The following ANKRD31 variants were observed in gnomAD, a reference collection of about 807,000 sequenced individuals.
ANKRD31 encodes ankyrin repeat domain-containing protein 31.
In ANKRD31, 147 loss-of-function variants were observed where a neutral mutation model predicts 186.0. That is an observed-to-expected ratio of 0.79 (90% confidence interval 0.69 to 0.91). The LOEUF is 0.91. Ranked by LOEUF, ANKRD31 falls within the 40% of genes least tolerant of loss-of-function variation. The pLI is 0.00. For missense variants in ANKRD31, 1,986 were observed against 2,148.8 expected, an observed-to-expected ratio of 0.92 and a Z score of 1.50; for synonymous variants, 673 against 736.4, an observed-to-expected ratio of 0.91 and a Z score of 1.39.
At chr5:75,120,760 C>A (rs771532360) in intron 17 of ANKRD31, among the ~76,000 whole-genome samples, 5 of 152,064 alleles carry the variant, frequency 3.3e-5, no homozygotes, top group Non-Finnish European at 4.4e-5. Context: ...GAAAACCTCA[C>A]GTATCAATAT....
rs958326414 is a variant in ANKRD31 at position 75,236,660 on chromosome 5, G to A, written c.27C>T (p.Asp9=). Reference sequence around the variant, plus strand: ...CTATCACAGTTTCATCACTGTCCCAGTCTGGGGCCTGGACGCCTTCCTCCA... The same window carrying A: ...CTATCACAGTTTCATCACTGTCCCAATCTGGGGCCTGGACGCCTTCCTCCA... MEEGVQAP[D]WDSDETVIEG... The change falls in exon 1 of 26, where the codon GAC becomes GAT. Residue 9 remains aspartate, a synonymous_variant. Coordinates refer to ENST00000506364, the MANE Select transcript of ANKRD31 (RefSeq NM_001372053.1). 19 of 1,536,480 alleles carry A rather than the reference G, an allele frequency of 1.2e-5. No individual in the cohort carries two copies. In the African/African-American group the frequency reaches 1.9e-4, roughly 16 times the overall value.
chr5:75,188,607 G>T lies in ANKRD31; in HGVS notation c.1450C>A (p.Arg484=). Residue 484 remains arginine, a synonymous_variant, in exon 10 of 26, where the codon CGG becomes AGG. Transcript: ENST00000506364. ...VNKISLHSIN[R]RNIFGENLVY... is the part of the protein sequence containing the mutation. ...AAGTTCTCTCCAAAAATGTTTCTCC[G>T]GTTAATGCTATGAAGAGATATTTTG... 1 of 1,535,202 alleles carries T rather than the reference G, an allele frequency of 6.5e-7. No individual in the cohort carries two copies. The highest frequency in any genetic ancestry group is 8.7e-7 in the Non-Finnish European group (1 of 1,145,910).
chr5:75,180,182 T>G (rs868114664), intron 10 of ANKRD31, among the ~76,000 whole-genome samples: 2 of 152,152 alleles, frequency 1.3e-5, no homozygotes, highest in East Asian at 1.9e-4. Flanking sequence ...ACAAGGGATG[T>G]GAAGGACCTC....
At chr5:75,126,137 A>G (rs4360021) in intron 17 of ANKRD31, among the ~76,000 whole-genome samples, 76,899 of 152,058 alleles carry the variant, frequency 0.51, 22,419 homozygotes, top group African/African-American at 0.82. Context: ...TGATGATTTT[A>G]AGATTCACCC....
At chr5:75,170,950 A>G (rs1348977104) in intron 10 of ANKRD31, among the ~76,000 whole-genome samples, 1 of 152,086 alleles carries the variant, frequency 6.6e-6, no homozygotes, top group Non-Finnish European at 1.5e-5. Context: ...AACGTTATGT[A>G]TCTAATAACA....
intron 1 of ANKRD31, among the ~76,000 whole-genome samples, chr5:75,231,074 CTTTA>C (rs566026337): frequency 2.0e-5 from 3 of 151,616 alleles, no homozygotes; most frequent in Admixed American, 6.6e-5. Context: ...GACAGAATTC[CTTTA>C]TTTATTTATT....
At chr5:75,212,391 T>C (rs944988018) in intron 3 of ANKRD31, among the ~76,000 whole-genome samples, 2 of 152,080 alleles carry the variant, frequency 1.3e-5, no homozygotes, top group African/African-American at 4.8e-5. Flanking sequence ...CATAGGCAGA[T>C]AGCTTGAGCC....
intron 20 of ANKRD31, among the ~76,000 whole-genome samples, chr5:75,108,579 G>T (rs1483669546): frequency 6.6e-6 from 1 of 151,806 alleles, no homozygotes; most frequent in Non-Finnish European, 1.5e-5. Context: ...CATTTTTCTG[G>T]TTAAAGTAAC....
In ANKRD31 at chr5:75,231,383, C is replaced by T. The variant is rs181349210; in HGVS notation, c.105-748G>A. On this transcript the variant is annotated intron_variant, in intron 1 of 25. Coordinates refer to ENST00000506364, the MANE Select transcript of ANKRD31 (RefSeq NM_001372053.1). ...GAGCCACCACACCTGGCCCAGAATTCCTTTAATTTTTGGATTTACTTCTTA... is the reference window on the plus strand; with the variant it reads ...GAGCCACCACACCTGGCCCAGAATTTCTTTAATTTTTGGATTTACTTCTTA... 8.0e-3 allele frequency among the ~76,000 whole-genome samples: 1,219 copies of T among 152,034 alleles called. 3 individuals are homozygous for T. Among genetic ancestry groups the T allele is most frequent in the Non-Finnish European group, 0.014 (933 of 67,970 alleles).
rs188363478 is a variant in ANKRD31, at chr5:75,174,815, G to T, written c.1565-5694C>A. ...ATTAGTTCAACCATTTTGCAAGACA[G>T]TGTGGTGATTCCTCAAGGATCTAGA... On this transcript the variant is annotated intron_variant, in intron 10 of 25. Transcript: ENST00000506364. Among the ~76,000 whole-genome samples, 90 of 152,360 alleles carry T rather than the reference G, an allele frequency of 5.9e-4. 1 individual carries two copies. The highest frequency in any genetic ancestry group is 2.1e-3 in the African/African-American group (86 of 41,592).
At chr5:75,136,398 C>A (rs1054013575) in intron 17 of ANKRD31, among the ~76,000 whole-genome samples, 31 of 152,126 alleles carry the variant, frequency 2.0e-4, no homozygotes, top group Non-Finnish European at 3.1e-4. Context: ...ATGCAGCCAA[C>A]AGACACATGA....
At chr5:75,099,873 G>T (rs1746677506) in intron 22 of ANKRD31, among the ~76,000 whole-genome samples, 1 of 152,088 alleles carries the variant, frequency 6.6e-6, no homozygotes, top group South Asian at 2.1e-4. Flanking sequence ...CAAAAAACCA[G>T]CTCCTGAATT....
intron 9 of ANKRD31, among the ~76,000 whole-genome samples, chr5:75,190,684 T>C (rs937961479): frequency 6.7e-6 from 1 of 150,166 alleles, no homozygotes; most frequent in Non-Finnish European, 1.5e-5. Context: ...TTCTTTTTAC[T>C]TTTTTCCCCC....
intron 10 of ANKRD31, 96 bp from the exon 11 acceptor site, chr5:75,169,217 C>T: frequency 7.3e-7 from 1 of 1,368,026 alleles, no homozygotes; most frequent in South Asian, 1.4e-5. Flanking sequence ...TAAGTTCTTT[C>T]TTCAAAAATA....
chr5:75,193,150 T>C (rs184302378), intron 8 of ANKRD31, among the ~76,000 whole-genome samples, 161 bp downstream of exon 8: 1 of 152,272 alleles, frequency 6.6e-6, no homozygotes, highest in African/African-American at 2.4e-5. Flanking sequence ...TGCTCTGTGG[T>C]ATGGCACTGA....
In ANKRD31 at chr5:75,210,877, A is replaced by G. The variant is rs751658406; in HGVS notation, c.289-12T>C. The G allele has an allele frequency of 2.0e-6, 3 of 1,506,354 alleles. No individual in the cohort carries two copies. In the South Asian group the frequency reaches 3.9e-5, roughly 20 times the overall value. 93.3% of individuals were successfully genotyped at this position (1,506,354 alleles called of 1,614,324 possible). ...GTTTCATCTTGAGACTGCTAGGAAA[A>G]AAAAAAGTTTTTTCCAACTGATAAG... On this transcript the variant is annotated splice_polypyrimidine_tract_variant and intron_variant, in intron 3 of 25. Transcript: ENST00000506364.
intron 10 of ANKRD31, among the ~76,000 whole-genome samples, chr5:75,185,329 G>A (rs1754628254): frequency 6.6e-6 from 1 of 152,160 alleles, no homozygotes; most frequent in Non-Finnish European, 1.5e-5. Context: ...GGAGGCTGAG[G>A]CAGGTGGATC....
At chr5:75,183,072 G>T (rs1346040805) in intron 10 of ANKRD31, among the ~76,000 whole-genome samples, 1 of 152,162 alleles carries the variant, frequency 6.6e-6, no homozygotes, top group Non-Finnish European at 1.5e-5. Flanking sequence ...GATCAATTGG[G>T]ATTCATCCCA....
At chr5:75,187,422 A>T (rs1754812591) in intron 10 of ANKRD31, among the ~76,000 whole-genome samples, 1 of 152,062 alleles carries the variant, frequency 6.6e-6, no homozygotes, top group African/African-American at 2.4e-5. Flanking sequence ...GAAGACAAGA[A>T]GGGAACAGCC....
Sources: gnomAD v4.1 joint callset for allele counts (sites outside exome capture counted in the v4.1 genomes callset) on GRCh38, gnomAD v4.1.1 for gene constraint, MANE v1.5 for transcripts, NCBI Gene and HGNC (gene_info 2026-07-23, HGNC 2026-07-21) for gene names.